TENM2: variants seen among roughly 807,000 people sequenced by gnomAD.
TENM2 encodes the protein teneurin-2.
Under a neutral mutation model 245.2 loss-of-function variants are expected in TENM2, and 52 were observed. That is an observed-to-expected ratio of 0.21 (90% confidence interval 0.17 to 0.27). The LOEUF is 0.27. Among genes scored for constraint, TENM2 ranks in the 10% least tolerant of loss-of-function variants. The probability of loss-of-function intolerance (pLI) is 1.00; values close to 1 mark genes in which losing one functional copy is unlikely to be tolerated. For missense variants in TENM2, 3,046 were observed against 3,666.8 expected, an observed-to-expected ratio of 0.83 and a Z score of 4.37; for synonymous variants, 1,363 against 1,438.9, an observed-to-expected ratio of 0.95 and a Z score of 1.19.
At chr5:168,059,437 T>C (rs748221875) in intron 6 of TENM2, among the ~76,000 whole-genome samples, 1 of 152,170 alleles carries the variant, frequency 6.6e-6, no homozygotes, top group African/African-American at 2.4e-5. Context: ...GCTTATTAAG[T>C]TAAAGATGAA....
intron 2 of TENM2, among the ~76,000 whole-genome samples, chr5:167,671,514 T>C (rs1247693247): frequency 6.6e-6 from 1 of 152,100 alleles, no homozygotes; most frequent in African/African-American, 2.4e-5. Flanking sequence ...AGCTGGTAGA[T>C]ATTTTTAGTT....
At chr5:167,269,326 T>C in the TENM2 span, among the ~76,000 whole-genome samples, 6 of 152,112 alleles carry the variant, frequency 3.9e-5, no homozygotes, top group Admixed American at 3.3e-4. Context: ...CGCTCTTTAA[T>C]GCTGGGTTCT....
chr5:167,820,323 C>T (rs1215729777), intron 2 of TENM2, among the ~76,000 whole-genome samples: 1 of 152,180 alleles, frequency 6.6e-6, no homozygotes, highest in Non-Finnish European at 1.5e-5. Flanking sequence ...GTGTGTTTTC[C>T]AGAGCCTAGA....
chr5:167,544,009 G>A (rs1347247512), intron 2 of TENM2, among the ~76,000 whole-genome samples: 1 of 152,122 alleles, frequency 6.6e-6, no homozygotes, highest in Non-Finnish European at 1.5e-5. Context: ...ACTTTCTGTG[G>A]TACTGGGGTC....
intron 2 of TENM2, among the ~76,000 whole-genome samples, chr5:167,786,657 G>A (rs1764597284): frequency 1.3e-5 from 2 of 152,208 alleles, no homozygotes; most frequent in African/African-American, 4.8e-5. Flanking sequence ...GAAATAAGGA[G>A]AAAAGATTGA....
chr5:167,336,611 G>T (rs997981135), intron 1 of TENM2, among the ~76,000 whole-genome samples: 1 of 151,972 alleles, frequency 6.6e-6, no homozygotes, highest in African/African-American at 2.4e-5. Flanking sequence ...CAGTTACAAA[G>T]CATAGTCCAG....
chr5:167,268,773 G>T, the TENM2 span, among the ~76,000 whole-genome samples: 335 of 152,110 alleles, frequency 2.2e-3, no homozygotes, highest in African/African-American at 7.7e-3. Flanking sequence ...CATACCTTAT[G>T]ATGTGCAAAA....
intron 2 of TENM2, among the ~76,000 whole-genome samples, chr5:167,632,929 A>AT (rs1438832524): frequency 6.6e-6 from 1 of 152,220 alleles, no homozygotes; most frequent in African/African-American, 2.4e-5. Context: ...ATGATTTCGT[A>AT]TCATTTTCTG....
At chr5:167,092,591 C>T in the TENM2 span, among the ~76,000 whole-genome samples, 3 of 152,124 alleles carry the variant, frequency 2.0e-5, no homozygotes, top group East Asian at 1.9e-4. Context: ...CCTAAATTTT[C>T]GCCCTATGAT....
chr5:167,842,964 CA>C (rs1379169709), intron 2 of TENM2, among the ~76,000 whole-genome samples: 1 of 152,144 alleles, frequency 6.6e-6, no homozygotes. Context: ...TGTTTTAGGA[CA>C]CGATGAAATG....
intron 25 of TENM2, among the ~76,000 whole-genome samples, chr5:168,233,609 C>T (rs1031940485): frequency 6.6e-5 from 10 of 152,170 alleles, no homozygotes; most frequent in African/African-American, 1.4e-4. Flanking sequence ...GAAGAGTAGG[C>T]GCTGTCTTAC....
chr5:167,082,418 G>T, the TENM2 span, among the ~76,000 whole-genome samples: 2 of 151,996 alleles, frequency 1.3e-5, no homozygotes, highest in Non-Finnish European at 2.9e-5. Context: ...CAAGTAGCTG[G>T]GCATACAGGC....
At chr5:167,288,074 C>G (rs1026486093) in intron 1 of TENM2, among the ~76,000 whole-genome samples, 1 of 151,756 alleles carries the variant, frequency 6.6e-6, no homozygotes, top group African/African-American at 2.4e-5. Context: ...TTTTTGGACC[C>G]CGGAGTTAGG....
At chr5:167,095,471 G>A in the TENM2 span, among the ~76,000 whole-genome samples, 3 of 152,148 alleles carry the variant, frequency 2.0e-5, no homozygotes, top group Non-Finnish European at 4.4e-5. Flanking sequence ...GCGGGCGGCA[G>A]GAAAATCCTG....
chr5:167,847,538 C>A (rs1770160475), intron 2 of TENM2, among the ~76,000 whole-genome samples: 2 of 152,206 alleles, frequency 1.3e-5, no homozygotes, highest in African/African-American at 4.8e-5. Flanking sequence ...TTGAACCTTC[C>A]CCTGTACACA....
At chr5:167,692,286 C>G (rs1443784340) in intron 2 of TENM2, among the ~76,000 whole-genome samples, 2 of 152,192 alleles carry the variant, frequency 1.3e-5, no homozygotes, top group South Asian at 2.1e-4. Context: ...TGGCCGAAGG[C>G]AATTGCCCCC....
chr5:167,206,759 G>A, the TENM2 span, among the ~76,000 whole-genome samples: 31 of 152,086 alleles, frequency 2.0e-4, no homozygotes, highest in Admixed American at 2.6e-4. Context: ...GTAAATAAAT[G>A]TCTCCCATGT....
At chr5:167,026,999 A>C in the TENM2 span, among the ~76,000 whole-genome samples, 1 of 152,222 alleles carries the variant, frequency 6.6e-6, no homozygotes, top group Non-Finnish European at 1.5e-5. Context: ...AAGCAAAAGA[A>C]CAGATACCGC....
At chr5:167,907,302 A>G (rs1776167582) in intron 3 of TENM2, among the ~76,000 whole-genome samples, 1 of 151,510 alleles carries the variant, frequency 6.6e-6, no homozygotes, top group South Asian at 2.1e-4. Flanking sequence ...AAAGAGTACA[A>G]GTTTGAAATA....
Sources: gnomAD v4.1 joint callset for allele counts (sites outside exome capture counted in the v4.1 genomes callset) on GRCh38, gnomAD v4.1.1 for gene constraint, MANE v1.5 for transcripts, NCBI Gene and HGNC (gene_info 2026-07-23, HGNC 2026-07-21) for gene names.